Variants in ARHGAP15 observed in about 807,000 individuals in gnomAD.
The protein encoded by ARHGAP15 is Rho GTPase activating protein 15, also known as rho GTPase-activating protein 15.
Under a neutral mutation model 63.7 loss-of-function variants are expected in ARHGAP15, and 51 were observed. The ratio of observed to expected loss-of-function variants is 0.80; its 90% confidence interval spans 0.64 to 1.01. The LOEUF (loss-of-function observed/expected upper bound fraction) is 1.01, where lower values mean the gene tolerates loss of function less well. ARHGAP15 is among the 50% of genes least tolerant of loss of function. The pLI is 0.00. For missense variants in ARHGAP15, 560 were observed against 564.6 expected, an observed-to-expected ratio of 0.99 and a Z score of 0.08; for synonymous variants, 191 against 193.8, an observed-to-expected ratio of 0.99 and a Z score of 0.12.
At chr2:143,158,858 A>G (rs1025439137) in intron 2 of ARHGAP15, among the ~76,000 whole-genome samples, 1 of 151,984 alleles carries the variant, frequency 6.6e-6, no homozygotes, top group Non-Finnish European at 1.5e-5. Flanking sequence ...AAAAAGACCA[A>G]TGTGCATTGC....
intron 12 of ARHGAP15, among the ~76,000 whole-genome samples, chr2:143,673,554 T>C (rs1366558829): frequency 6.6e-6 from 1 of 151,268 alleles, no homozygotes; most frequent in African/African-American, 2.4e-5. Flanking sequence ...TGCCTTGGCA[T>C]CCCAAAGTGC....
intron 6 of ARHGAP15, among the ~76,000 whole-genome samples, chr2:143,336,662 C>A (rs879706712): frequency 2.6e-5 from 4 of 152,098 alleles, no homozygotes; most frequent in Non-Finnish European, 4.4e-5. Context: ...CCCTGTAGTT[C>A]TCTTTCCACT....
chr2:143,424,061 A>G (rs1361511914), intron 6 of ARHGAP15, among the ~76,000 whole-genome samples: 1 of 152,094 alleles, frequency 6.6e-6, no homozygotes, highest in African/African-American at 2.4e-5. Context: ...TAGGTAGATC[A>G]TCTTTCTATG....
intron 9 of ARHGAP15, among the ~76,000 whole-genome samples, chr2:143,494,271 T>TA (rs1466043550): frequency 6.6e-6 from 1 of 152,176 alleles, no homozygotes; most frequent in African/African-American, 2.4e-5. Flanking sequence ...TTTGAAAGAA[T>TA]TCTCAGTTTT....
chr2:143,494,722 A>G (rs1042544413), intron 9 of ARHGAP15, among the ~76,000 whole-genome samples: 9 of 152,196 alleles, frequency 5.9e-5, no homozygotes, highest in Non-Finnish European at 1.0e-4. Context: ...TCTGTAGAGA[A>G]TGACTAGAGC....
At chr2:143,469,948 ACTCT>A (rs1188460791) in intron 8 of ARHGAP15, among the ~76,000 whole-genome samples, 17 of 147,258 alleles carry the variant, frequency 1.2e-4, no homozygotes, top group African/African-American at 3.3e-4. Flanking sequence ...TGACTCTCTC[ACTCT>A]CTCTCTTTTT....
At chr2:143,527,369 C>G (rs985737843) in intron 10 of ARHGAP15, among the ~76,000 whole-genome samples, 2 of 151,872 alleles carry the variant, frequency 1.3e-5, no homozygotes, top group African/African-American at 4.8e-5. Context: ...GACGAGTAGG[C>G]TATACAGTTA....
At chr2:143,353,150 G>A (rs1406354973) in intron 6 of ARHGAP15, among the ~76,000 whole-genome samples, 1 of 152,014 alleles carries the variant, frequency 6.6e-6, no homozygotes, top group African/African-American at 2.4e-5. Flanking sequence ...TGACAAGCTG[G>A]GCCTGGTGGC....
At chr2:143,654,563 C>T (rs1284242826) in intron 12 of ARHGAP15, among the ~76,000 whole-genome samples, 1 of 152,150 alleles carries the variant, frequency 6.6e-6, no homozygotes, top group Non-Finnish European at 1.5e-5. Flanking sequence ...AAATGCATCA[C>T]ATACTTCCCT....
At chr2:143,190,157 C>T (rs1691623661) in intron 2 of ARHGAP15, among the ~76,000 whole-genome samples, 1 of 152,038 alleles carries the variant, frequency 6.6e-6, no homozygotes, top group Admixed American at 6.5e-5. Context: ...TAAATATTTC[C>T]TTAATTATTA....
chr2:143,736,058 GACT>G (rs2105495980), intron 13 of ARHGAP15, among the ~76,000 whole-genome samples: 1 of 152,248 alleles, frequency 6.6e-6, no homozygotes, highest in East Asian at 1.9e-4. Flanking sequence ...TGGGCACTGG[GACT>G]ACAAGAATAA....
intron 4 of ARHGAP15, among the ~76,000 whole-genome samples, chr2:143,224,190 C>A (rs549095987): frequency 3.9e-5 from 6 of 152,000 alleles, no homozygotes; most frequent in African/African-American, 1.4e-4. Context: ...ACACTAGAAG[C>A]ATAAATTAGG....
At chr2:143,663,897 C>T (rs1681988297) in intron 12 of ARHGAP15, among the ~76,000 whole-genome samples, 2 of 152,112 alleles carry the variant, frequency 1.3e-5, no homozygotes, top group African/African-American at 4.8e-5. Context: ...TACAGGAGCA[C>T]CCAGATTCAT....
chr2:143,235,429 A>C (rs1241284602), intron 5 of ARHGAP15, among the ~76,000 whole-genome samples: 1 of 152,158 alleles, frequency 6.6e-6, no homozygotes, highest in Non-Finnish European at 1.5e-5. Flanking sequence ...CACAACAAGG[A>C]GAAATGAATT....
chr2:143,763,291 T>C (rs1383346694), intron 13 of ARHGAP15, among the ~76,000 whole-genome samples: 23 of 152,168 alleles, frequency 1.5e-4, no homozygotes, highest in Admixed American at 1.5e-3. Flanking sequence ...ACCACTTAAC[T>C]ATTTAGGAGT....
chr2:143,169,316 A>G (rs1403609005), intron 2 of ARHGAP15, among the ~76,000 whole-genome samples: 1 of 152,020 alleles, frequency 6.6e-6, no homozygotes, highest in Non-Finnish European at 1.5e-5. Flanking sequence ...AGTTCAAAAC[A>G]GTCCAGCCAG....
intron 12 of ARHGAP15, among the ~76,000 whole-genome samples, chr2:143,670,785 T>C (rs1031428380): frequency 6.6e-6 from 1 of 152,232 alleles, no homozygotes; most frequent in African/African-American, 2.4e-5. Flanking sequence ...GTTTTATATG[T>C]AAAACTATTT....
intron 1 of ARHGAP15, among the ~76,000 whole-genome samples, chr2:143,149,320 C>T (rs1689722044): frequency 6.6e-6 from 1 of 151,998 alleles, no homozygotes; most frequent in Admixed American, 6.6e-5. Flanking sequence ...AGTGAAAACT[C>T]AGGCTAACAC....
At chr2:143,557,191 A>G (rs761297769) in intron 11 of ARHGAP15, among the ~76,000 whole-genome samples, 22 of 152,136 alleles carry the variant, frequency 1.4e-4, no homozygotes, top group Non-Finnish European at 2.4e-4. Flanking sequence ...CCTATACACA[A>G]ATATTTACGG....
Sources: gnomAD v4.1 joint callset for allele counts (sites outside exome capture counted in the v4.1 genomes callset) on GRCh38, gnomAD v4.1.1 for gene constraint, MANE v1.5 for transcripts, NCBI Gene and HGNC (gene_info 2026-07-23, HGNC 2026-07-21) for gene names.